KIF6: variants seen among roughly 807,000 people sequenced by gnomAD.
KIF6 encodes kinesin family member 6.
In KIF6, 106 loss-of-function variants were observed where a neutral mutation model predicts 112.7. The observed-to-expected ratio is 0.94, with a 90% CI of 0.80 to 1.11. The LOEUF is 1.11. Among genes scored for constraint, KIF6 ranks in the 50% least tolerant of loss-of-function variants. The pLI, the probability that KIF6 is intolerant of heterozygous loss-of-function variation, is 0.00. For missense variants in KIF6, 929 were observed against 964.0 expected (o/e 0.96, Z 0.48); for synonymous variants, 339 against 339.9 (o/e 1.00, Z 0.03).
chr6:39,354,916 A>G (rs1002207640), intron 19 of KIF6, among the ~76,000 whole-genome samples: 4 of 152,176 alleles, frequency 2.6e-5, no homozygotes, highest in Non-Finnish European at 5.9e-5. Flanking sequence ...TGGTGCTCAC[A>G]CCTGCAATCC....
At chr6:39,690,233 T>C (rs1361957549) in intron 3 of KIF6, 1 of 152,144 alleles carries the variant, frequency 6.6e-6, no homozygotes, top group East Asian at 1.9e-4. Flanking sequence ...CGAAGGGAGT[T>C]TTCAATAATA....
intron 2 of KIF6, among the ~76,000 whole-genome samples, chr6:39,719,311 T>C (rs1243513929): frequency 2.0e-5 from 3 of 149,204 alleles, no homozygotes; most frequent in African/African-American, 7.4e-5. Context: ...AGAGCAAAAC[T>C]CTGTCTCAAA....
At chr6:39,355,417 G>A (rs1232521391) in intron 19 of KIF6, among the ~76,000 whole-genome samples, 2 of 151,324 alleles carry the variant, frequency 1.3e-5, no homozygotes, top group Non-Finnish European at 2.9e-5. Flanking sequence ...CAACCTGGTT[G>A]GTGTTGAGGG....
intron 3 of KIF6, among the ~76,000 whole-genome samples, chr6:39,651,713 C>G (rs555494809): frequency 6.6e-6 from 1 of 152,284 alleles, no homozygotes; most frequent in Non-Finnish European, 1.5e-5. Flanking sequence ...TTCAAACACA[C>G]TTTGATTTCA....
At chr6:39,561,407 G>C (rs1401211842) in intron 10 of KIF6, among the ~76,000 whole-genome samples, 1 of 151,614 alleles carries the variant, frequency 6.6e-6, no homozygotes, top group African/African-American at 2.4e-5. Context: ...GCTGGAGTGC[G>C]TTGGTATGAT....
At chr6:39,691,992 T>C (rs1160497088) in intron 3 of KIF6, 1 of 152,158 alleles carries the variant, frequency 6.6e-6, no homozygotes, top group East Asian at 1.9e-4. Context: ...AAATCAAGAC[T>C]AACGTGTTAA....
In KIF6 at chr6:39,590,182, G is replaced by A. The variant is rs374631117; in HGVS notation, c.847-3778C>T. Among the ~76,000 whole-genome samples the A allele has an allele frequency of 2.0e-5, 3 of 152,234 alleles. No homozygotes were observed. The South Asian group carries it at 6.2e-4, about 32-fold the overall frequency. ...ATTAAGTATCTGAAACAGGCAAGGT[G>A]TGCCCAAATACCCAAACAGGGGCTG... is the stretch of plus-strand genomic sequence containing the variant. On this transcript the variant is annotated intron_variant, in intron 7 of 22. Transcript: ENST00000287152.
chr6:39,584,979 AG>A lies in KIF6; in HGVS notation c.995del (p.Ser332LeufsTer14). 1 of 1,587,496 alleles carries A rather than the reference AG, an allele frequency of 6.3e-7. No individual in the cohort carries two copies. The highest frequency in any genetic ancestry group is 2.2e-5 in the East Asian group (1 of 44,740). On this transcript the variant is annotated frameshift_variant, in exon 9 of 23. Coordinates refer to ENST00000287152, the MANE Select transcript of KIF6 (RefSeq NM_145027.6). LOFTEE classifies it high-confidence loss of function. The stretch of plus-strand genomic sequence containing the variant: ...GCTGTGCAAATCTGCAGGTTGATAT[AG>A]ACTCCTAAGAAAGCAAAGTAACTTC... ...LSLEKRNLDE[S>X]ISTCRFAQRV...
rs943818112 is a variant in KIF6 at position 39,544,430 on chromosome 6, A to G, written c.1426+125T>C. ...TGCTGAAGGGACCTTTGACTTCTCA[A>G]TGGAAAGAAGCAATGTGAAATGGAA... On this transcript the variant is annotated intron_variant, in intron 12 of 22. Coordinates refer to ENST00000287152, the MANE Select transcript of KIF6 (RefSeq NM_145027.6). 6.1e-6 allele frequency: 6 copies of G among 984,636 alleles called. No individual in the cohort carries two copies. In the African/African-American group the frequency reaches 6.6e-5, roughly 11 times the overall value. The allele number at this position is 984,636 out of a possible 1,614,324, so 61.0% of individuals were successfully genotyped here.
chr6:39,344,893 G>A (rs1763588474), intron 21 of KIF6, among the ~76,000 whole-genome samples: 1 of 152,200 alleles, frequency 6.6e-6, no homozygotes, highest in African/African-American at 2.4e-5. Context: ...CCTTTGCTGC[G>A]ATGTGTGGCC....
In KIF6 at chr6:39,634,730, G is replaced by C. The variant is rs913239687; in HGVS notation, c.509+119C>G. On this transcript the variant is annotated intron_variant, in intron 5 of 22. Transcript: ENST00000287152. ...AATCCATTATATTACAAAAAGATAC[G>C]GTTATCCAGTATTTGCTAATTATGA... The C allele has an allele frequency of 5.6e-6, 4 of 718,066 alleles. No individual in the cohort carries two copies. The East Asian group carries it at 1.1e-4, about 19-fold the overall frequency. The allele number at this position is 718,066 out of a possible 1,614,324, so 44.5% of individuals were successfully genotyped here.
At chr6:39,543,339 C>G (rs1778896035) in intron 12 of KIF6, among the ~76,000 whole-genome samples, 1 of 152,044 alleles carries the variant, frequency 6.6e-6, no homozygotes, top group Non-Finnish European at 1.5e-5. Context: ...AGGGTGACAA[C>G]ACCATGGGCA....
intron 3 of KIF6, among the ~76,000 whole-genome samples, chr6:39,661,583 T>C (rs1786150691): frequency 6.6e-6 from 1 of 151,950 alleles, no homozygotes; most frequent in Non-Finnish European, 1.5e-5. Context: ...CCTATGGTAG[T>C]AAAACTGAGA....
intron 13 of KIF6, among the ~76,000 whole-genome samples, chr6:39,434,555 G>C (rs1363569349): frequency 6.6e-6 from 1 of 151,940 alleles, no homozygotes; most frequent in African/African-American, 2.4e-5. Flanking sequence ...TGGGTGACAA[G>C]GTGCGACTCC....
At chr6:39,564,407 C>T (rs1374864679) in intron 10 of KIF6, among the ~76,000 whole-genome samples, 1 of 152,116 alleles carries the variant, frequency 6.6e-6, no homozygotes, top group Non-Finnish European at 1.5e-5. Flanking sequence ...GAAAAATATG[C>T]AGTCTTAAGT....
intron 13 of KIF6, among the ~76,000 whole-genome samples, chr6:39,500,557 T>G (rs1776066318): frequency 6.6e-6 from 1 of 152,194 alleles, no homozygotes; most frequent in African/African-American, 2.4e-5. Flanking sequence ...TTTTGCTACT[T>G]ACTAATGTTA....
At chr6:39,685,517 G>A (rs1458839114) in intron 3 of KIF6, among the ~76,000 whole-genome samples, 4 of 152,186 alleles carry the variant, frequency 2.6e-5, no homozygotes, top group Non-Finnish European at 5.9e-5. Context: ...CAGTGAGAAG[G>A]TGAACATACC....
intron 20 of KIF6, among the ~76,000 whole-genome samples, chr6:39,346,151 CTCTCTCTCTCTT>C: frequency 7.3e-6 from 1 of 137,886 alleles, no homozygotes; most frequent in African/African-American, 2.7e-5. Flanking sequence ...CTCTCTCTCT[CTCTCTCTCTCTT>C]TCTCTCCTAT....
rs202222855 is a variant in KIF6 at position 39,343,759 on chromosome 6, G to T, written c.2378C>A (p.Ser793Ter). 17 of 1,613,060 alleles carry T rather than the reference G, an allele frequency of 1.1e-5. No homozygotes were observed. The highest frequency in any genetic ancestry group is 8.5e-7 in the Non-Finnish European group (1 of 1,179,672). ...GGCCTTGATGAAGGCGATGATGTCC[G>T]AGTCCGTCTGGCTGTCTCCGGTGAG... ...IPLTGDSQTDSDIIAFIKARQ... is the reference protein window; with the variant it reads ...IPLTGDSQTD The change falls in exon 22 of 23, where the codon TCG becomes TAG. Residue 793 changes from serine to a stop codon, truncating the protein, a stop_gained. Coordinates refer to ENST00000287152, the MANE Select transcript of KIF6 (RefSeq NM_145027.6). LOFTEE classifies it high-confidence loss of function. This position sits in a 1 kb window ranked among gnomAD's most constrained non-coding sequence, Gnocchi z 4.1.
Sources: allele counts gnomAD v4.1 joint callset (sites outside exome capture counted in the v4.1 genomes callset), GRCh38; gene constraint gnomAD v4.1.1; non-coding constraint Gnocchi (gnomAD v3.1); transcripts MANE v1.5; gene names NCBI Gene and HGNC (gene_info 2026-07-23, HGNC 2026-07-21).